The following TESC variants were observed in gnomAD, a reference collection of about 807,000 sequenced individuals.
The protein encoded by TESC is calcineurin B homologous protein 3.
In TESC, 19 loss-of-function variants were observed where a neutral mutation model predicts 31.0. The observed-to-expected ratio is 0.61, with a 90% CI of 0.43 to 0.90. TESC has a LOEUF of 0.90. Among genes scored for constraint, TESC ranks in the 40% least tolerant of loss-of-function variants. The pLI, the probability that TESC is intolerant of heterozygous loss-of-function variation, is 0.00. For missense variants in TESC, 248 were observed against 303.8 expected, an observed-to-expected ratio of 0.82 and a Z score of 1.36; for synonymous variants, 109 against 114.8, an observed-to-expected ratio of 0.95 and a Z score of 0.32.
intron 4 of TESC, 40 bp from the exon 5 acceptor site, chr12:117,046,878 G>A: frequency 1.3e-6 from 2 of 1,543,364 alleles, no homozygotes; most frequent in Non-Finnish European, 1.7e-6. Context: ...GTCAGGCGGG[G>A]CCTGGCCCCT....
chr12:117,072,559 T>C (rs1199746673), intron 2 of TESC, among the ~76,000 whole-genome samples: 1 of 152,216 alleles, frequency 6.6e-6, no homozygotes, highest in Non-Finnish European at 1.5e-5. Context: ...TCTCTATGCA[T>C]GTAGAATATG....
chr12:117,039,284 G>C (rs1954447578), intron 7 of TESC, 74 bp from the exon 8 acceptor site: 5 of 1,432,176 alleles, frequency 3.5e-6, no homozygotes, highest in Admixed American at 1.9e-5. Flanking sequence ...CCCGGTCCTC[G>C]GCCCTTCCCA....
In TESC at chr12:117,048,202, C is replaced by A. The variant is rs189860831; in HGVS notation, c.349+817G>T. 2.0e-3 allele frequency among the ~76,000 whole-genome samples: 308 copies of A among 152,350 alleles called. 2 individuals are homozygous for A. The highest frequency in any genetic ancestry group is 0.014 in the Middle Eastern group (4 of 294). On this transcript the variant is annotated intron_variant, in intron 4 of 7. Coordinates refer to ENST00000335209, the MANE Select transcript of TESC (RefSeq NM_017899.4). ...AAGTTAAGGCGTTTGCCCACGGCCACACCACTAAGGGACAGGAAACCAGGG... is the reference window on the plus strand; with the variant it reads ...AAGTTAAGGCGTTTGCCCACGGCCAAACCACTAAGGGACAGGAAACCAGGG...
At chr12:117,058,926 C>T (rs532024301) in intron 2 of TESC, among the ~76,000 whole-genome samples, 10 of 152,264 alleles carry the variant, frequency 6.6e-5, no homozygotes, top group African/African-American at 2.4e-4. Flanking sequence ...CACAGAAGGC[C>T]ATCCTGGGTT....
At chr12:117,049,306 T>C (rs1565960360) in intron 3 of TESC, 148 bp from the exon 4 acceptor site, 13 of 1,181,816 alleles carry the variant, frequency 1.1e-5, no homozygotes, top group Non-Finnish European at 1.5e-5. Context: ...CCCAAGAACC[T>C]GCTTCGTGGC....
chr12:117,039,047 G>A lies in TESC; in HGVS notation c.*86C>T. ...CTATGTACCGGCGCTGCAGGAAGAG[G>A]CTGTCCGCCGGGCCTGGGCTGCTCC... is the stretch of plus-strand genomic sequence containing the variant. On this transcript the variant is annotated 3_prime_UTR_variant, in exon 8 of 8. Coordinates refer to ENST00000335209, the MANE Select transcript of TESC (RefSeq NM_017899.4). 6.8e-7 allele frequency: 1 copy of A among 1,462,470 alleles called. No homozygotes were observed. The highest frequency in any genetic ancestry group is 9.4e-7 in the Non-Finnish European group (1 of 1,063,064). 90.6% of individuals were successfully genotyped at this position (1,462,470 alleles called of 1,614,324 possible). A position where few individuals can be genotyped will look rare whatever the true frequency, so the allele number is the denominator to read the frequency against.
chr12:117,056,220 C>CCT (rs1954722267), intron 3 of TESC, among the ~76,000 whole-genome samples: 1 of 152,122 alleles, frequency 6.6e-6, no homozygotes, highest in African/African-American at 2.4e-5. Flanking sequence ...CTGTGCCCTG[C>CCT]TAATTCTTTT....
intron 3 of TESC, among the ~76,000 whole-genome samples, chr12:117,050,680 C>T (rs1023265837): frequency 6.6e-6 from 1 of 152,198 alleles, no homozygotes; most frequent in Non-Finnish European, 1.5e-5. Context: ...CGCCTGTAAC[C>T]CCTGCACTTT....
At chr12:117,072,257 T>G (rs954405136) in intron 2 of TESC, among the ~76,000 whole-genome samples, 4 of 152,136 alleles carry the variant, frequency 2.6e-5, no homozygotes, top group African/African-American at 9.7e-5. Flanking sequence ...CTGCCCTGCT[T>G]GCACCTGCTT....
Position 117,051,322 on chromosome 12 carries a change from T to A in TESC, c.210-2164A>T, listed in dbSNP as rs1030023155. On this transcript the variant is annotated intron_variant, in intron 3 of 7. Transcript: ENST00000335209. ...TGTCCTGGGAACTCCCACTTTTTTA[T>A]TTTTCTCTTCCAGGAGATTTTCCAG... Among the ~76,000 whole-genome samples, 3 of 152,160 alleles carry A rather than the reference T, an allele frequency of 2.0e-5. No individual in the cohort carries two copies. The South Asian group carries it at 6.2e-4, about 32-fold the overall frequency.
chr12:117,062,317 G>T (rs1446926822), intron 2 of TESC, among the ~76,000 whole-genome samples: 1 of 152,080 alleles, frequency 6.6e-6, no homozygotes, highest in East Asian at 1.9e-4. Context: ...CACCTCCTGG[G>T]TTCAAGTGAT....
chr12:117,059,099 C>T (rs991340776), intron 2 of TESC, among the ~76,000 whole-genome samples: 2 of 152,176 alleles, frequency 1.3e-5, no homozygotes, highest in African/African-American at 2.4e-5. Flanking sequence ...TGAGGACGTC[C>T]GGGTGGGAAG....
chr12:117,075,869 A>ATATATGTG (rs1955049402), intron 1 of TESC, among the ~76,000 whole-genome samples: 1 of 31,442 alleles, frequency 3.2e-5, no homozygotes, highest in African/African-American at 8.3e-5. Flanking sequence ...ATATATATAT[A>ATATATGTG]TGTGTGTATA....
intron 5 of TESC, 55 bp from the exon 6 acceptor site, chr12:117,046,721 G>C (rs1315572684): frequency 1.9e-6 from 3 of 1,553,106 alleles, no homozygotes; most frequent in African/African-American, 1.4e-5. Flanking sequence ...AGGGTCGTGG[G>C]GGGCAGAGGG....
intron 1 of TESC, among the ~76,000 whole-genome samples, chr12:117,078,041 G>T (rs569210060): frequency 3.9e-5 from 6 of 152,288 alleles, no homozygotes; most frequent in African/African-American, 1.4e-4. Context: ...TTTTAAAATT[G>T]TAATTCCACT....
chr12:117,094,564 T>C (rs954417122), intron 1 of TESC, among the ~76,000 whole-genome samples: 1 of 152,042 alleles, frequency 6.6e-6, no homozygotes, highest in Non-Finnish European at 1.5e-5. Flanking sequence ...GGTGACAGAG[T>C]TGACAAGTAT....
At chr12:117,073,168 C>T (rs568581991) in intron 2 of TESC, among the ~76,000 whole-genome samples, 9 of 152,296 alleles carry the variant, frequency 5.9e-5, no homozygotes, top group East Asian at 3.9e-4. Context: ...TGAAACCACC[C>T]GCCCTCCATC....
chr12:117,092,284 A>T (rs1955322945), intron 1 of TESC, among the ~76,000 whole-genome samples: 1 of 152,180 alleles, frequency 6.6e-6, no homozygotes, highest in Non-Finnish European at 1.5e-5. Context: ...CACCGAGCTC[A>T]GTGCACATGG....
intron 6 of TESC, among the ~76,000 whole-genome samples, chr12:117,044,404 G>A (rs1046243437): frequency 3.9e-5 from 6 of 152,136 alleles, no homozygotes; most frequent in Non-Finnish European, 5.9e-5. Context: ...CCTCCCTGCC[G>A]GGCCTCCCTA....
Sources: allele counts gnomAD v4.1 joint callset (sites outside exome capture counted in the v4.1 genomes callset), GRCh38; gene constraint gnomAD v4.1.1; transcripts MANE v1.5; gene names NCBI Gene and HGNC (gene_info 2026-07-23, HGNC 2026-07-21).